CACNA2D2: variants seen among roughly 807,000 people sequenced by gnomAD.
CACNA2D2 encodes calcium voltage-gated channel auxiliary subunit alpha2delta 2, also known as voltage-dependent calcium channel subunit alpha-2/delta-2.
A neutral mutation model predicts 166.4 loss-of-function variants in CACNA2D2; 48 were observed. The observed-to-expected ratio is 0.29, with a 90% CI of 0.23 to 0.37. The LOEUF is 0.37. CACNA2D2 is among the 10% of genes least tolerant of loss of function. The probability of loss-of-function intolerance (pLI) is 1.00; values close to 1 mark genes in which losing one functional copy is unlikely to be tolerated. For synonymous variants in CACNA2D2, 561 were observed against 573.7 expected (o/e 0.98, Z 0.32); for missense variants, 1,122 against 1,433.0 (o/e 0.78, Z 3.50).
intron 3 of CACNA2D2, among the ~76,000 whole-genome samples, chr3:50,423,619 T>C (rs1023031652): frequency 2.0e-5 from 3 of 152,234 alleles, no homozygotes; most frequent in Non-Finnish European, 4.4e-5. Flanking sequence ...GGCTGAAGGA[T>C]GGGGCGTCTT....
intron 2 of CACNA2D2, among the ~76,000 whole-genome samples, chr3:50,471,132 G>A (rs1710076936): frequency 6.6e-6 from 1 of 152,134 alleles, no homozygotes; most frequent in African/African-American, 2.4e-5. Flanking sequence ...GCACCGCTGG[G>A]CCTCAACAGG....
intron 2 of CACNA2D2, among the ~76,000 whole-genome samples, chr3:50,448,313 C>CT (rs1340286258): frequency 6.6e-6 from 1 of 152,190 alleles, no homozygotes; most frequent in Non-Finnish European, 1.5e-5. Context: ...CTATCAAGCT[C>CT]TTTGAGTTTA....
At chr3:50,432,453 G>C (rs1236563951) in intron 3 of CACNA2D2, among the ~76,000 whole-genome samples, 2 of 152,222 alleles carry the variant, frequency 1.3e-5, no homozygotes, top group African/African-American at 4.8e-5. Context: ...ACTGGACAGG[G>C]GGCAGCAAAG....
chr3:50,497,352 TGACAG>T (rs753602907), intron 1 of CACNA2D2, among the ~76,000 whole-genome samples: 2 of 152,222 alleles, frequency 1.3e-5, no homozygotes, highest in Non-Finnish European at 2.9e-5. Context: ...GGCTTGCCCT[TGACAG>T]AGGCCTCCTC....
intron 1 of CACNA2D2, among the ~76,000 whole-genome samples, chr3:50,481,317 C>T (rs1035117517): frequency 1.3e-5 from 2 of 152,114 alleles, no homozygotes; most frequent in African/African-American, 4.8e-5. Flanking sequence ...CCTCTGTGGG[C>T]CTTCTTACCA....
At chr3:50,487,277 G>T (rs1698328826) in intron 1 of CACNA2D2, among the ~76,000 whole-genome samples, 1 of 152,224 alleles carries the variant, frequency 6.6e-6, no homozygotes, top group Admixed American at 6.5e-5. Context: ...TGAGAAGGGG[G>T]CTACCTCAGG....
At chr3:50,395,047 T>A (rs1246579664) in intron 3 of CACNA2D2, among the ~76,000 whole-genome samples, 1 of 151,988 alleles carries the variant, frequency 6.6e-6, no homozygotes, top group Non-Finnish European at 1.5e-5. Context: ...TTTCTAAGGA[T>A]CCCTTCTCTA....
At chr3:50,466,362 C>T (rs573746103) in intron 2 of CACNA2D2, among the ~76,000 whole-genome samples, 4 of 152,234 alleles carry the variant, frequency 2.6e-5, no homozygotes, top group East Asian at 1.9e-4. Flanking sequence ...CTCGCCTGCT[C>T]GGGTGACAGA....
Position 50,363,213 on chromosome 3 carries a change from C to T in CACNA2D2, c.*1453G>A, listed in dbSNP as rs779651144. On this transcript the variant is annotated 3_prime_UTR_variant, in exon 38 of 38. Coordinates refer to ENST00000424201, the MANE Select transcript of CACNA2D2 (RefSeq NM_006030.4). ...CGAAGGACACAGCTGGCATCCAGGCCGGGTGCACATGGACACCCACCCTGG... is the reference window on the plus strand; with the variant it reads ...CGAAGGACACAGCTGGCATCCAGGCTGGGTGCACATGGACACCCACCCTGG... 3.0e-5 allele frequency: 12 copies of T among 398,826 alleles called. No homozygotes were observed. Among genetic ancestry groups the T allele is most frequent in the African/African-American group, 6.2e-5 (3 of 48,624 alleles). The allele number at this position is 398,826 out of a possible 1,614,324, so 24.7% of individuals were successfully genotyped here.
rs1325311370 is a variant in CACNA2D2, at chr3:50,427,860, A to C, written c.405+6453T>G. Among the ~76,000 whole-genome samples, 1 of 152,184 alleles carries C rather than the reference A, an allele frequency of 6.6e-6. No homozygotes were observed. The highest frequency in any genetic ancestry group is 1.9e-4 in the East Asian group (1 of 5,180). On this transcript the variant is annotated intron_variant, in intron 3 of 37. Transcript: ENST00000424201. The surrounding 1 kb of genome is among the most constrained non-coding windows in gnomAD (Gnocchi z 4.7). ...TCCATGGCCTGGTCCTCCAGGGGCC[A>C]ACCTGTTTGTCTCACCCTCGTCAGT...
chr3:50,401,221 C>T (rs1031873420), intron 3 of CACNA2D2, among the ~76,000 whole-genome samples: 1 of 151,692 alleles, frequency 6.6e-6, no homozygotes, highest in African/African-American at 2.4e-5. Context: ...AGGACTCATG[C>T]GTCTTCTGCA....
At chr3:50,444,959 G>A (rs1708772757) in intron 2 of CACNA2D2, among the ~76,000 whole-genome samples, 3 of 152,142 alleles carry the variant, frequency 2.0e-5, no homozygotes, top group Admixed American at 2.0e-4. Context: ...TCACACCTAG[G>A]ACTCAGGAAG....
chr3:50,389,085 AGCCTGTT>A (rs1169464544), intron 4 of CACNA2D2, among the ~76,000 whole-genome samples: 2 of 152,186 alleles, frequency 1.3e-5, no homozygotes, highest in African/African-American at 4.8e-5. Context: ...CTGCCCTTCC[AGCCTGTT>A]GTCAACCTTG....
Position 50,366,019 on chromosome 3 carries a change from C to T in CACNA2D2, c.2854G>A (p.Val952Ile), listed in dbSNP as rs753087118. ...CATCTCTGGGGACTCACCACAAAGA[C>T]ACCCCGGGGTGCAGCACCCAGGTTG... ...PGNLGAAPRG[V>I]FVPTVADFLN... The change falls in exon 32 of 38, where the codon GTC (valine) becomes ATC (isoleucine). Residue 952 changes from valine to isoleucine, a missense_variant. Coordinates refer to ENST00000424201, the MANE Select transcript of CACNA2D2 (RefSeq NM_006030.4). The surrounding 1 kb of genome is among the most constrained non-coding windows in gnomAD (Gnocchi z 5.9). The T allele has an allele frequency of 1.2e-6, 2 of 1,612,382 alleles. No individual in the cohort carries two copies. Among genetic ancestry groups the T allele is most frequent in the Admixed American group, 1.7e-5 (1 of 59,970 alleles).
At position 50,415,684 on chromosome 3, in the gene CACNA2D2, G is replaced by A. The variant is rs1707236391; in HGVS notation, c.405+18629C>T. 1.3e-5 allele frequency: 2 copies of A among 152,112 alleles called. 1 individual carries two copies. The highest frequency in any genetic ancestry group is 1.3e-4 in the Admixed American group (2 of 15,280). The allele number at this position is 152,112 out of a possible 1,614,324, so 9.4% of individuals were successfully genotyped here. On this transcript the variant is annotated intron_variant, in intron 3 of 37. Coordinates refer to ENST00000424201, the MANE Select transcript of CACNA2D2 (RefSeq NM_006030.4). ...CTGTCCTGCAATTTCCTAACAGGCT[G>A]TGCACTCTCTGAGGCAGGAACAATG... is the stretch of plus-strand genomic sequence containing the variant.
rs1442061944 is a variant in CACNA2D2, at chr3:50,503,464, T to A, written c.-41A>T. ...GCGGCGCCGCGGGGAGGGGGGGCAG[T>A]GGCGGCGGCGGCGGCGGCGGCGGGG... is the stretch of plus-strand genomic sequence containing the variant. On this transcript the variant is annotated 5_prime_UTR_variant, in exon 1 of 38. Coordinates refer to ENST00000424201, the MANE Select transcript of CACNA2D2 (RefSeq NM_006030.4). The A allele has an allele frequency of 4.0e-5, 3 of 74,304 alleles. No homozygotes were observed. The highest frequency in any genetic ancestry group is 5.7e-5 in the African/African-American group (1 of 17,570). 4.6% of individuals were successfully genotyped at this position (74,304 alleles called of 1,614,324 possible). A position where few individuals can be genotyped will look rare whatever the true frequency, so the allele number is the denominator to read the frequency against.
At chr3:50,406,075 T>C (rs1184079562) in intron 3 of CACNA2D2, among the ~76,000 whole-genome samples, 1 of 151,742 alleles carries the variant, frequency 6.6e-6, no homozygotes, top group Non-Finnish European at 1.5e-5. Flanking sequence ...AGAGTCAGAG[T>C]GGCTCTGCCC....
chr3:50,465,677 G>C (rs775677365), intron 2 of CACNA2D2, among the ~76,000 whole-genome samples: 2 of 152,166 alleles, frequency 1.3e-5, no homozygotes, highest in Non-Finnish European at 2.9e-5. Flanking sequence ...CACTTTCTAG[G>C]ATCGGGTGAA....
Position 50,364,530 on chromosome 3 carries a change from ACT to A in CACNA2D2, c.*134_*135del. The A allele has an allele frequency of 2.7e-6, 3 of 1,103,678 alleles. No homozygotes were observed. Among genetic ancestry groups the A allele is most frequent in the Non-Finnish European group, 3.8e-6 (3 of 799,446 alleles). 68.4% of individuals were successfully genotyped at this position (1,103,678 alleles called of 1,614,324 possible). On this transcript the variant is annotated 3_prime_UTR_variant, in exon 38 of 38. Coordinates refer to ENST00000424201, the MANE Select transcript of CACNA2D2 (RefSeq NM_006030.4). ...CTCCCCATCCCAAGGCGCAGACCAG[ACT>A]CTCAGGGCCTGGCCAGCTCAGGTCC...
Sources: gnomAD v4.1 joint callset for allele counts (sites outside exome capture counted in the v4.1 genomes callset) on GRCh38, gnomAD v4.1.1 for gene constraint, Gnocchi (gnomAD v3.1) non-coding constraint, MANE v1.5 for transcripts, NCBI Gene and HGNC (gene_info 2026-07-23, HGNC 2026-07-21) for gene names.